Variants in TNK2 observed in about 807,000 individuals in gnomAD.
The protein encoded by TNK2 is activated CDC42 kinase 1.
Under a neutral mutation model 101.8 loss-of-function variants are expected in TNK2, and 83 were observed. The ratio of observed to expected loss-of-function variants is 0.82; its 90% CI spans 0.68 to 0.98. The LOEUF is 0.98. Ranked by LOEUF, TNK2 falls within the 50% of genes least tolerant of loss-of-function variation. The pLI, the probability that TNK2 is intolerant of heterozygous loss-of-function variation, is 0.00. For missense variants in TNK2, 1,665 were observed against 1,483.2 expected (o/e 1.12, Z -2.01); for synonymous variants, 804 against 633.0 (o/e 1.27, Z -4.06).
Position 195,867,249 on chromosome 3 carries a change from G to A in TNK2, c.2953C>T (p.His985Tyr), listed in dbSNP as rs1335493016. ...TGGCACTCCTCTGTGGTCACCCCAT[G>A]CACCATGGCCTGCAGCTGGGCACAC... ...DKIQMLQAMVHGVTTEECQAA... is the reference protein window; with the variant it reads ...DKIQMLQAMVYGVTTEECQAA... Residue 985 changes from histidine to tyrosine, a missense_variant, in exon 14 of 16, where the codon CAT becomes TAT. Transcript: ENST00000672887. 1 of 1,612,722 alleles carries A rather than the reference G, an allele frequency of 6.2e-7. No individual in the cohort carries two copies.
chr3:195,876,100 C>A (rs750096350), intron 9 of TNK2, among the ~76,000 whole-genome samples: 1 of 152,200 alleles, frequency 6.6e-6, no homozygotes, highest in Admixed American at 6.5e-5. Context: ...GGCCAAGGAC[C>A]CGCAATGGAT....
At chr3:195,879,027 G>C in intron 7 of TNK2, 22 bp downstream of exon 7, 3 of 1,611,438 alleles carry the variant, frequency 1.9e-6, no homozygotes, top group Non-Finnish European at 2.5e-6. Flanking sequence ...AGCCCTATGG[G>C]GGCCCGTCTC....
chr3:195,906,316 C>A lies in TNK2; in HGVS notation c.-19+2169G>T, dbSNP rs148940647. ...TACCACATGACCCAGCCATTCCGGT[C>A]CTAGGGATTTACCTAAGATAAATAA... On this transcript the variant is annotated intron_variant, in intron 1 of 15. Transcript: ENST00000672887. Among the ~76,000 whole-genome samples, 857 of 152,262 alleles carry A rather than the reference C, an allele frequency of 5.6e-3. 8 individuals carry two copies. Among genetic ancestry groups the A allele is most frequent in the African/African-American group, 0.02 (819 of 41,532 alleles).
At chr3:195,867,313 C>T (rs768613582) in intron 13 of TNK2, 48 bp downstream of exon 13, 6 of 1,610,252 alleles carry the variant, frequency 3.7e-6, no homozygotes, top group East Asian at 2.2e-5. Context: ...CTGCTCCAGG[C>T]CCCTTGGGCC....
chr3:195,864,128 G>A lies in TNK2; in HGVS notation c.*53C>T, dbSNP rs1167510842. 47 of 1,612,624 alleles carry A rather than the reference G, an allele frequency of 2.9e-5. No homozygotes were observed. Among genetic ancestry groups the A allele is most frequent in the Non-Finnish European group, 3.7e-5 (44 of 1,179,204 alleles). On this transcript the variant is annotated 3_prime_UTR_variant, in exon 16 of 16. Transcript: ENST00000672887. ...GGGCATCTCCCCACTCCTGGTGGAC[G>A]GACAGGCTCAGGTGATTCCTTCAGG...
chr3:195,867,589 C>T lies in TNK2; in HGVS notation c.2709G>A (p.Leu903=). The T allele has an allele frequency of 1.9e-6, 3 of 1,589,694 alleles. No individual in the cohort carries two copies. The highest frequency in any genetic ancestry group is 2.2e-5 in the East Asian group (1 of 44,762). The change falls in exon 13 of 16, where the codon CTG becomes CTA. Residue 903 remains leucine (L), a synonymous_variant. Coordinates refer to ENST00000672887, the MANE Select transcript of TNK2 (RefSeq NM_001382273.1). ...EAQSPEEPTP[L]PVPLLLPPPS... is the part of the protein sequence containing the mutation. ...GTGGGGGCAGCAGCAGAGGCACAGGCAGGGGGGTAGGCTCCTCGGGGCTCT... is the reference window on the plus strand; with the variant it reads ...GTGGGGGCAGCAGCAGAGGCACAGGTAGGGGGGTAGGCTCCTCGGGGCTCT...
chr3:195,873,512 C>G (rs1056777801), intron 9 of TNK2, among the ~76,000 whole-genome samples: 2 of 149,172 alleles, frequency 1.3e-5, no homozygotes, highest in Admixed American at 6.7e-5. Flanking sequence ...GGGGCGGTGA[C>G]AGCCCCGTGG....
chr3:195,881,149 G>A (rs1479952189), intron 6 of TNK2, among the ~76,000 whole-genome samples: 1 of 2,494 alleles, frequency 4.0e-4, no homozygotes, highest in Non-Finnish European at 5.9e-4. Context: ...GTGCCCCTTG[G>A]AGAGGACACA....
At chr3:195,898,350 C>T (rs1444206510) in intron 1 of TNK2, among the ~76,000 whole-genome samples, 2 of 152,170 alleles carry the variant, frequency 1.3e-5, no homozygotes, top group African/African-American at 4.8e-5. Flanking sequence ...GAGCAAACAA[C>T]CTCTAAGCCT....
Position 195,867,760 on chromosome 3 carries a change from C to T in TNK2, c.2538G>A (p.Gln846=). 1 of 1,590,096 alleles carries T rather than the reference C, an allele frequency of 6.3e-7. No individual in the cohort carries two copies. The highest frequency in any genetic ancestry group is 8.5e-7 in the Non-Finnish European group (1 of 1,169,738). ...CCCGCGGGCCAGGGGCCTGGATCACCTGGGGGGTGGCGTACTTGGGGTCTG... is the reference window on the plus strand; with the variant it reads ...CCCGCGGGCCAGGGGCCTGGATCACTTGGGGGGTGGCGTACTTGGGGTCTG... ...FASDPKYATP[Q]VIQAPGPRAG... The change falls in exon 13 of 16, where the codon CAG becomes CAA. Residue 846 remains glutamine (Q), a synonymous_variant. Coordinates refer to ENST00000672887, the MANE Select transcript of TNK2 (RefSeq NM_001382273.1).
At position 195,884,892 on chromosome 3, in the gene TNK2, G is replaced by A; in HGVS notation, c.376C>T (p.Leu126=). 2 of 1,614,086 alleles carry A rather than the reference G, an allele frequency of 1.2e-6. No homozygotes were observed. Among genetic ancestry groups the A allele is most frequent in the South Asian group, 1.1e-5 (1 of 91,090 alleles). The change falls in exon 4 of 16, where the codon CTG becomes TTG. Residue 126 remains leucine, a synonymous_variant. Transcript: ENST00000672887. ...TCACCCAGCTTCTCCAGGAGGCGCA[G>A]GTCCTTCTCCCCAATGAGGCAGGTG... ...SLTCLIGEKD[L]RLLEKLGDGS... is the part of the protein sequence containing the mutation.
At chr3:195,883,530 C>G (rs1185199343) in intron 4 of TNK2, 1 of 541,988 alleles carries the variant, frequency 1.8e-6, no homozygotes, top group Non-Finnish European at 3.3e-6. Context: ...GGCCACACCT[C>G]CCCTTCCTGG....
intron 1 of TNK2, chr3:195,896,166 C>T (rs1329070775): frequency 2.2e-6 from 1 of 454,968 alleles, no homozygotes. Flanking sequence ...ATCGCCGGCA[C>T]AGGAAGTCCC....
chr3:195,885,271 A>G lies in TNK2; in HGVS notation c.235-238T>C. ...AGGAGGGTGCCAGAAAGAGACCGAC[A>G]GGCATGCAGCCTGTGGCTGAGCGGC... On this transcript the variant is annotated intron_variant, in intron 3 of 15. Transcript: ENST00000672887. The surrounding 1 kb of genome is among the most constrained non-coding windows in gnomAD (Gnocchi z 4.7). 1 of 1,182,256 alleles carries G rather than the reference A, an allele frequency of 8.5e-7. No individual in the cohort carries two copies. 73.2% of individuals were successfully genotyped at this position (1,182,256 alleles called of 1,614,324 possible). A position where few individuals can be genotyped will look rare whatever the true frequency, so the allele number is the denominator to read the frequency against.
intron 1 of TNK2, chr3:195,895,184 TCACAGCAGACGAAGGG>T: frequency 7.0e-7 from 1 of 1,425,094 alleles, no homozygotes; most frequent in Non-Finnish European, 9.3e-7. Flanking sequence ...TGAGCCCGGC[TCACAGCAGACGAAGGG>T]GTCTGGGGCC....
chr3:195,890,432 A>G (rs1248260191), intron 1 of TNK2, among the ~76,000 whole-genome samples: 1 of 151,590 alleles, frequency 6.6e-6, no homozygotes, highest in Admixed American at 6.6e-5. Context: ...TATAAATAAG[A>G]AAGTACTTTT....
In TNK2 at chr3:195,863,742, C is replaced by T; in HGVS notation, c.*439G>A. On this transcript the variant is annotated 3_prime_UTR_variant, in exon 16 of 16. Transcript: ENST00000672887. ...GGAAGAAGGCCCAGTCCTAGGAGGT[C>T]CCACCGGGTGCCGGTCCGCCTCTCC... 1 of 175,272 alleles carries T rather than the reference C, an allele frequency of 5.7e-6. No homozygotes were observed. The allele number at this position is 175,272 out of a possible 1,614,324, so 10.9% of individuals were successfully genotyped here. A position where few individuals can be genotyped will look rare whatever the true frequency, so the allele number is the denominator to read the frequency against.
intron 1 of TNK2, among the ~76,000 whole-genome samples, chr3:195,891,664 C>CA (rs973423246): frequency 6.6e-5 from 10 of 152,130 alleles, no homozygotes; most frequent in African/African-American, 2.4e-4. Flanking sequence ...TGACCCCCCC[C>CA]CTCCAGGGCT....
rs1169232939 is a variant in TNK2, at chr3:195,882,295, CCAA to C, written c.640_642del (p.Leu214del). ...TGGCCCTGGTGCTTACGTAGCCGGT[CCAA>C]CAACGATCCCAGAGGTGCCAGCTCT... On this transcript the variant is annotated inframe_deletion, in exon 6 of 16. Coordinates refer to ENST00000672887, the MANE Select transcript of TNK2 (RefSeq NM_001382273.1). The surrounding 1 kb of genome is among the most constrained non-coding windows in gnomAD (Gnocchi z 4.2). 11 of 1,613,404 alleles carry C rather than the reference CCAA, an allele frequency of 6.8e-6. No individual in the cohort carries two copies. The Admixed American group carries it at 1.3e-4, about 20-fold the overall frequency.
Sources: gnomAD v4.1 joint callset for allele counts (sites outside exome capture counted in the v4.1 genomes callset) on GRCh38, gnomAD v4.1.1 for gene constraint, Gnocchi (gnomAD v3.1) non-coding constraint, MANE v1.5 for transcripts, NCBI Gene and HGNC (gene_info 2026-07-23, HGNC 2026-07-21) for gene names.